CCDC171: variants seen among roughly 807,000 people sequenced by gnomAD.
The protein encoded by CCDC171 is coiled-coil domain-containing protein 171.
A neutral mutation model predicts 168.2 loss-of-function variants in CCDC171; 177 were observed. The observed-to-expected ratio is 1.05, with a 90% CI of 0.93 to 1.19. CCDC171 has a LOEUF of 1.19. Among genes scored for constraint, CCDC171 ranks in the 50% most tolerant of loss-of-function variants. The probability of loss-of-function intolerance (pLI) is 0.00; values close to 1 mark genes in which losing one functional copy is unlikely to be tolerated. For missense variants in CCDC171, 1,991 were observed against 1,539.0 expected (o/e 1.29, Z -4.91); for synonymous variants, 687 against 540.8 (o/e 1.27, Z -3.75).
At chr9:15,962,933 A>T (rs1411855442) in intron 25 of CCDC171, among the ~76,000 whole-genome samples, 1 of 151,778 alleles carries the variant, frequency 6.6e-6, no homozygotes, top group Non-Finnish European at 1.5e-5. Context: ...AAACACATGT[A>T]TACATTTTGA....
intron 23 of CCDC171, among the ~76,000 whole-genome samples, chr9:15,860,560 C>G (rs1328437753): frequency 6.6e-6 from 1 of 151,796 alleles, no homozygotes; most frequent in African/African-American, 2.4e-5. Flanking sequence ...TGTGAATTTT[C>G]CAGTTTTTCT....
At chr9:15,746,025 C>G (rs1038076253) in intron 18 of CCDC171, among the ~76,000 whole-genome samples, 1 of 152,018 alleles carries the variant, frequency 6.6e-6, no homozygotes, top group Non-Finnish European at 1.5e-5. Context: ...ATTTTTATCT[C>G]TCGTTTTGTG....
intron 6 of CCDC171, among the ~76,000 whole-genome samples, chr9:15,608,216 A>G (rs1489908150): frequency 2.0e-5 from 3 of 152,160 alleles, no homozygotes; most frequent in Non-Finnish European, 2.9e-5. Context: ...TAAAGGCCCC[A>G]CTTCTCAAAA....
chr9:15,928,470 A>G (rs1216387047), intron 25 of CCDC171, among the ~76,000 whole-genome samples: 1 of 151,746 alleles, frequency 6.6e-6, no homozygotes, highest in Non-Finnish European at 1.5e-5. Flanking sequence ...TGTGTGGCAT[A>G]TAAGCTGTGA....
chr9:15,707,034 A>G (rs994054824), intron 11 of CCDC171, among the ~76,000 whole-genome samples: 1 of 152,128 alleles, frequency 6.6e-6, no homozygotes, highest in Non-Finnish European at 1.5e-5. Context: ...GAGAATTTTT[A>G]ATTGTTCTTG....
intron 11 of CCDC171, among the ~76,000 whole-genome samples, chr9:15,718,389 C>A (rs2053228932): frequency 6.6e-6 from 1 of 152,356 alleles, no homozygotes; most frequent in Middle Eastern, 3.4e-3. Context: ...CTTCCCAGGA[C>A]CTGGGGGAGC....
intron 9 of CCDC171, among the ~76,000 whole-genome samples, chr9:15,667,830 C>T (rs530119898): frequency 6.6e-6 from 1 of 152,198 alleles, no homozygotes; most frequent in East Asian, 1.9e-4. Flanking sequence ...ATATTTTAAA[C>T]CAATAATTCT....
intron 18 of CCDC171, among the ~76,000 whole-genome samples, chr9:15,761,936 G>A (rs2056467568): frequency 6.6e-6 from 1 of 151,988 alleles, no homozygotes; most frequent in Non-Finnish European, 1.5e-5. Flanking sequence ...AATTTTATTT[G>A]CCTATCAATT....
At chr9:15,684,422 A>G (rs141764760) in intron 10 of CCDC171, among the ~76,000 whole-genome samples, 3 of 151,846 alleles carry the variant, frequency 2.0e-5, no homozygotes, top group Admixed American at 6.6e-5. Flanking sequence ...ATTGGCCTTC[A>G]TGGTTTTTAT....
At position 15,921,596 on chromosome 9, in the gene CCDC171, T is replaced by C. The variant is rs943188991; in HGVS notation, c.3753+1174T>C. On this transcript the variant is annotated intron_variant, in intron 25 of 25. Coordinates refer to ENST00000380701, the MANE Select transcript of CCDC171 (RefSeq NM_173550.4). Reference sequence around the variant, plus strand: ...TAAGAGCAGTCTGGCTTATAGTAGGTGCTCAATAAATATTTATTGAGTGAA... The same window carrying C: ...TAAGAGCAGTCTGGCTTATAGTAGGCGCTCAATAAATATTTATTGAGTGAA... Among the ~76,000 whole-genome samples the C allele has an allele frequency of 2.0e-5, 3 of 151,752 alleles. No homozygotes were observed. The East Asian group carries it at 5.8e-4, about 29-fold the overall frequency.
At chr9:15,642,157 T>C (rs1278227012) in intron 7 of CCDC171, among the ~76,000 whole-genome samples, 1 of 151,200 alleles carries the variant, frequency 6.6e-6, no homozygotes, top group African/African-American at 2.4e-5. Flanking sequence ...TGAGACTCTG[T>C]CTCAAAAACA....
intron 21 of CCDC171, among the ~76,000 whole-genome samples, chr9:15,813,606 TTGTG>T (rs140437207): frequency 6.7e-6 from 1 of 149,812 alleles, no homozygotes; most frequent in Non-Finnish European, 1.5e-5. Context: ...TTACATGTAT[TTGTG>T]TGTGTGTGTG....
chr9:15,555,798 AC>A (rs2038742933), intron 1 of CCDC171, among the ~76,000 whole-genome samples: 1 of 152,058 alleles, frequency 6.6e-6, no homozygotes, highest in African/African-American at 2.4e-5. Flanking sequence ...CTCGTCATTT[AC>A]ATTAAGTATA....
At chr9:15,704,254 G>A (rs998498466) in intron 11 of CCDC171, among the ~76,000 whole-genome samples, 8 of 152,172 alleles carry the variant, frequency 5.3e-5, no homozygotes, top group Non-Finnish European at 1.0e-4. Context: ...TCAAGTGCTA[G>A]GTGTGCACAT....
At chr9:15,959,929 G>A (rs1830182835) in intron 25 of CCDC171, among the ~76,000 whole-genome samples, 1 of 152,146 alleles carries the variant, frequency 6.6e-6, no homozygotes, top group Non-Finnish European at 1.5e-5. Context: ...AGGGAAGGAT[G>A]GGCACCCCAA....
intron 24 of CCDC171, among the ~76,000 whole-genome samples, chr9:15,908,460 A>G (rs899435437): frequency 6.6e-5 from 10 of 150,522 alleles, no homozygotes; most frequent in Admixed American, 6.6e-4. Context: ...AACAATGAGA[A>G]CACATGGACA....
At chr9:15,684,371 T>A (rs921417427) in intron 10 of CCDC171, among the ~76,000 whole-genome samples, 6 of 152,086 alleles carry the variant, frequency 3.9e-5, no homozygotes, top group Non-Finnish European at 7.4e-5. Flanking sequence ...AGGCTTTTTT[T>A]AAACCTGTTT....
At chr9:15,862,350 C>T (rs2061597310) in intron 23 of CCDC171, among the ~76,000 whole-genome samples, 2 of 151,352 alleles carry the variant, frequency 1.3e-5, no homozygotes, top group South Asian at 4.2e-4. Context: ...TGCTGTTGAA[C>T]CTCTCTTGAA....
chr9:15,950,444 C>T (rs1829001732), intron 25 of CCDC171, among the ~76,000 whole-genome samples: 1 of 152,162 alleles, frequency 6.6e-6, no homozygotes, highest in Non-Finnish European at 1.5e-5. Flanking sequence ...ACTCTACAAG[C>T]CAGAAGAGAG....
Sources: allele counts gnomAD v4.1 joint callset (sites outside exome capture counted in the v4.1 genomes callset), GRCh38; gene constraint gnomAD v4.1.1; transcripts MANE v1.5; gene names NCBI Gene and HGNC (gene_info 2026-07-23, HGNC 2026-07-21).